The following WDFY4 variants were observed in gnomAD, a reference collection of about 807,000 sequenced individuals.
WDFY4 encodes WDFY family member 4.
In WDFY4, 169 loss-of-function variants were observed where a neutral mutation model predicts 351.9. The ratio of observed to expected loss-of-function variants is 0.48; its 90% CI spans 0.42 to 0.55. The LOEUF (loss-of-function observed/expected upper bound fraction) is 0.55. Among genes scored for constraint, WDFY4 ranks in the 20% least tolerant of loss-of-function variants. The pLI, the probability that WDFY4 is intolerant of heterozygous loss-of-function variation, is 0.00. For synonymous variants in WDFY4, 1,622 were observed against 1,574.6 expected, an observed-to-expected ratio of 1.03 and a Z score of -0.71; for missense variants, 3,803 against 3,935.6, an observed-to-expected ratio of 0.97 and a Z score of 0.90.
chr10:48,835,709 G>A (rs907738453), intron 39 of WDFY4, among the ~76,000 whole-genome samples: 7 of 152,138 alleles, frequency 4.6e-5, no homozygotes, highest in East Asian at 3.8e-4. Context: ...AGCCACCTAC[G>A]CATACAAATG....
At chr10:48,872,150 C>T (rs1056915672) in intron 40 of WDFY4, among the ~76,000 whole-genome samples, 1 of 152,222 alleles carries the variant, frequency 6.6e-6, no homozygotes, top group Non-Finnish European at 1.5e-5. Context: ...GCCATGCTTT[C>T]ATGGGAATGC....
intron 39 of WDFY4, among the ~76,000 whole-genome samples, chr10:48,863,772 A>T (rs1020931692): frequency 3.9e-5 from 6 of 152,170 alleles, no homozygotes; most frequent in African/African-American, 1.2e-4. Context: ...TGGGTAATTT[A>T]TAAAGAAAAG....
At chr10:48,702,979 C>T (rs1322122222) in intron 1 of WDFY4, among the ~76,000 whole-genome samples, 6 of 152,074 alleles carry the variant, frequency 3.9e-5, no homozygotes, top group Non-Finnish European at 7.4e-5. Flanking sequence ...TGCTGTTGTC[C>T]GTACTCAGTA....
At position 48,873,663 on chromosome 10, in the gene WDFY4, C is replaced by G; in HGVS notation, c.6914C>G (p.Ser2305Cys). The G allele has an allele frequency of 6.4e-7, 1 of 1,551,850 alleles. No individual in the cohort carries two copies. The highest frequency in any genetic ancestry group is 8.7e-7 in the Non-Finnish European group (1 of 1,147,018). Residue 2305 changes from serine to cysteine, a missense_variant, in exon 41 of 62, where the codon TCT (serine) becomes TGT (cysteine). Physicochemically the swap from Ser to Cys is moderately radical, Grantham distance 112 (BLOSUM62 -1). Coordinates refer to ENST00000325239, the MANE Select transcript of WDFY4 (RefSeq NM_001394531.1). Reference protein sequence around the residue: ...ARMRKRIKRLSPLEALSSGRH... With the variant: ...ARMRKRIKRLCPLEALSSGRH... ...ATGAGGAAACGCATCAAACGCTTGT[C>G]TCCTTTGGAGGCCCTGAGCTCAGGA...
intron 47 of WDFY4, among the ~76,000 whole-genome samples, chr10:48,928,015 C>G (rs1162299455): frequency 6.6e-6 from 1 of 152,214 alleles, no homozygotes; most frequent in Non-Finnish European, 1.5e-5. Flanking sequence ...GCAGACCTGG[C>G]CCCTTTGAAG....
At chr10:48,747,838 CTTGTAT>C (rs754585113) in intron 12 of WDFY4, among the ~76,000 whole-genome samples, 21 of 152,236 alleles carry the variant, frequency 1.4e-4, no homozygotes, top group Non-Finnish European at 2.8e-4. Flanking sequence ...TGGAAGGTCC[CTTGTAT>C]GATGTCTGAT....
intron 1 of WDFY4, among the ~76,000 whole-genome samples, chr10:48,690,638 C>T (rs114977211): frequency 1.3e-5 from 2 of 152,182 alleles, no homozygotes; most frequent in African/African-American, 2.4e-5. Context: ...GTTGTCCCTA[C>T]GTCTGCAGCT....
intron 1 of WDFY4, among the ~76,000 whole-genome samples, chr10:48,700,798 C>T (rs956464308): frequency 6.6e-6 from 1 of 152,166 alleles, no homozygotes; most frequent in Non-Finnish European, 1.5e-5. Context: ...TCAATAGATG[C>T]TATTATCGTT....
intron 14 of WDFY4, among the ~76,000 whole-genome samples, chr10:48,775,380 G>A (rs1364185606): frequency 6.6e-6 from 1 of 152,246 alleles, no homozygotes; most frequent in African/African-American, 2.4e-5. Flanking sequence ...GGACCCAGGG[G>A]CGGGCACGAC....
chr10:48,972,161 C>CACTT (rs1235693124), intron 57 of WDFY4, among the ~76,000 whole-genome samples: 1 of 152,192 alleles, frequency 6.6e-6, no homozygotes, highest in African/African-American at 2.4e-5. Flanking sequence ...AACACTTTAT[C>CACTT]ACTTACCTGT....
intron 43 of WDFY4, among the ~76,000 whole-genome samples, chr10:48,882,646 T>C (rs940547742): frequency 6.6e-6 from 1 of 152,090 alleles, no homozygotes; most frequent in African/African-American, 2.4e-5. Context: ...GGAAGGTGAA[T>C]GGGAGCCAGC....
intron 1 of WDFY4, among the ~76,000 whole-genome samples, chr10:48,704,463 C>T (rs1355933782): frequency 6.6e-6 from 1 of 152,180 alleles, no homozygotes; most frequent in East Asian, 1.9e-4. Flanking sequence ...TTGTCTTTTC[C>T]TGGAGGCTCT....
intron 43 of WDFY4, among the ~76,000 whole-genome samples, chr10:48,886,480 G>T (rs1212815145): frequency 2.0e-5 from 3 of 152,188 alleles, no homozygotes; most frequent in Non-Finnish European, 4.4e-5. Flanking sequence ...TGCCATTATT[G>T]CAGGAATGGG....
At chr10:48,887,702 C>A (rs1321714851) in intron 43 of WDFY4, among the ~76,000 whole-genome samples, 4 of 151,952 alleles carry the variant, frequency 2.6e-5, no homozygotes, top group Non-Finnish European at 5.9e-5. Context: ...TGGCATGAAC[C>A]CAGGAGGCGG....
chr10:48,729,284 C>G (rs1213402388), intron 7 of WDFY4, 148 bp from the exon 8 acceptor site: 2 of 1,175,544 alleles, frequency 1.7e-6, no homozygotes, highest in East Asian at 5.2e-5. Context: ...AGGGCGCTCC[C>G]TTGCCTCTGA....
chr10:48,699,475 G>C (rs997874831), intron 1 of WDFY4, among the ~76,000 whole-genome samples: 2 of 152,184 alleles, frequency 1.3e-5, no homozygotes, highest in Non-Finnish European at 2.9e-5. Context: ...GTGGGGAGAG[G>C]AGGGGCTCCT....
At chr10:48,917,907 T>C (rs1838697475) in intron 47 of WDFY4, among the ~76,000 whole-genome samples, 1 of 152,024 alleles carries the variant, frequency 6.6e-6, no homozygotes, top group South Asian at 2.1e-4. Flanking sequence ...TGTGATGGAG[T>C]TGTCAAAGTA....
intron 24 of WDFY4, 87 bp downstream of exon 24, chr10:48,796,537 T>A: frequency 5.5e-6 from 8 of 1,463,580 alleles, no homozygotes; most frequent in Non-Finnish European, 6.4e-6. Context: ...ACCTAGCATG[T>A]CAGCTTCCCT....
At chr10:48,788,293 T>C (rs529818318) in intron 20 of WDFY4, among the ~76,000 whole-genome samples, 85 of 152,072 alleles carry the variant, frequency 5.6e-4, no homozygotes, top group African/African-American at 2.0e-3. Context: ...CCTCCCAAAG[T>C]GCTGGGATTA....
Sources: gnomAD v4.1 joint callset for allele counts (sites outside exome capture counted in the v4.1 genomes callset) on GRCh38, gnomAD v4.1.1 for gene constraint, MANE v1.5 for transcripts, NCBI Gene and HGNC (gene_info 2026-07-23, HGNC 2026-07-21) for gene names.